Variants in TAF1B observed in about 807,000 individuals in gnomAD.
TAF1B encodes TATA box-binding protein-associated factor RNA polymerase I subunit B.
Under a neutral mutation model 83.9 loss-of-function variants are expected in TAF1B, and 61 were observed. That is an observed-to-expected ratio of 0.73 (90% CI 0.59 to 0.90). The LOEUF (loss-of-function observed/expected upper bound fraction) is 0.90. Ranked by LOEUF, TAF1B falls within the 40% of genes least tolerant of loss-of-function variation. The pLI is 0.00. For missense variants in TAF1B, 625 were observed against 677.0 expected (o/e 0.92, Z 0.85); for synonymous variants, 221 against 224.6 (o/e 0.98, Z 0.14).
At chr2:9,924,914 A>G (rs576309209) in intron 14 of TAF1B, among the ~76,000 whole-genome samples, 10 of 152,274 alleles carry the variant, frequency 6.6e-5, no homozygotes, top group Non-Finnish European at 1.0e-4. Context: ...AACAATTTCA[A>G]TGAATTGAAA....
chr2:9,882,798 G>C lies in TAF1B; in HGVS notation c.800G>C (p.Gly267Ala). ...KLYGRDRGIF[G>A]IESWPDYEDI... is the part of the protein sequence containing the mutation. ...TATGGACGTGACAGAGGAATCTTTG[G>C]TATAGAGGTAAGTTATTTTCTTTTT... Residue 267 changes from glycine to alanine, a missense_variant, in exon 8 of 15, where the codon GGT becomes GCT. Gly to Ala is a moderately conservative substitution (Grantham distance 60). Transcript: ENST00000263663. The C allele has an allele frequency of 6.2e-7, 1 of 1,602,608 alleles. No homozygotes were observed. The highest frequency in any genetic ancestry group is 1.1e-5 in the South Asian group (1 of 88,414).
At chr2:9,846,176 A>G (rs1663202305) in intron 2 of TAF1B, 1 of 464,254 alleles carries the variant, frequency 2.2e-6, no homozygotes, top group Non-Finnish European at 4.4e-6. Context: ...CCCAAGTACC[A>G]GGACTTGAAT....
intron 8 of TAF1B, among the ~76,000 whole-genome samples, chr2:9,896,620 C>CA (rs71391108): frequency 0.044 from 2,918 of 66,424 alleles, 47 homozygotes; most frequent in African/African-American, 0.093. Flanking sequence ...ATCTAAAAAC[C>CA]AAAAAAAAAA....
intron 7 of TAF1B, among the ~76,000 whole-genome samples, chr2:9,881,181 A>G (rs1474963778): frequency 6.6e-6 from 1 of 152,080 alleles, no homozygotes; most frequent in Non-Finnish European, 1.5e-5. Flanking sequence ...TAAAAATACA[A>G]AAATTAGCCA....
intron 14 of TAF1B, among the ~76,000 whole-genome samples, chr2:9,921,361 G>A (rs995464977): frequency 1.3e-5 from 2 of 152,136 alleles, no homozygotes; most frequent in African/African-American, 2.4e-5. Context: ...CAAAGTGCTG[G>A]GATTACAGGT....
chr2:9,862,283 A>C (rs902616729), intron 5 of TAF1B, among the ~76,000 whole-genome samples: 2 of 152,340 alleles, frequency 1.3e-5, no homozygotes, highest in African/African-American at 2.4e-5. Context: ...ACAGCACAAG[A>C]ACTACGTGAG....
intron 4 of TAF1B, among the ~76,000 whole-genome samples, chr2:9,852,374 G>A (rs1425573753): frequency 6.6e-6 from 1 of 152,146 alleles, no homozygotes; most frequent in Non-Finnish European, 1.5e-5. Context: ...GCAACAAGTT[G>A]TTCACTTGCT....
intron 7 of TAF1B, among the ~76,000 whole-genome samples, chr2:9,878,514 G>A (rs1473076550): frequency 6.6e-6 from 1 of 152,134 alleles, no homozygotes; most frequent in Non-Finnish European, 1.5e-5. Flanking sequence ...TTAACACTGT[G>A]CATGTCACTC....
At chr2:9,849,874 G>C (rs1663330141) in intron 3 of TAF1B, among the ~76,000 whole-genome samples, 1 of 152,092 alleles carries the variant, frequency 6.6e-6, no homozygotes, top group South Asian at 2.1e-4. Context: ...TTGTTGAGAA[G>C]GATCTTAGGT....
At chr2:9,929,043 T>A (rs188983917) in intron 14 of TAF1B, among the ~76,000 whole-genome samples, 3 of 152,356 alleles carry the variant, frequency 2.0e-5, no homozygotes, top group Admixed American at 1.3e-4. Context: ...CATCAGTACC[T>A]AGTTTATTGA....
intron 2 of TAF1B, among the ~76,000 whole-genome samples, chr2:9,848,031 T>C (rs1358455881): frequency 6.6e-6 from 1 of 152,236 alleles, no homozygotes; most frequent in African/African-American, 2.4e-5. Flanking sequence ...GGATGTTTCA[T>C]TTTTTCAGGT....
Position 9,882,710 on chromosome 2 carries a change from G to A in TAF1B, c.712G>A (p.Val238Ile). 1 of 1,603,662 alleles carries A rather than the reference G, an allele frequency of 6.2e-7. No individual in the cohort carries two copies. The change falls in exon 8 of 15, where the codon GTT becomes ATT. Residue 238 changes from valine to isoleucine, a missense_variant. Transcript: ENST00000263663. ...AITLSDLLRF[V>I]EEDHIPYINA... ...TTTTTCTTTTTAAAAATACAGGTTTGTTGAAGAGGACCATATTCCTTACAT... is the reference window on the plus strand; with the variant it reads ...TTTTTCTTTTTAAAAATACAGGTTTATTGAAGAGGACCATATTCCTTACAT...
intron 5 of TAF1B, among the ~76,000 whole-genome samples, chr2:9,862,916 G>A (rs1171070864): frequency 6.6e-6 from 1 of 152,078 alleles, no homozygotes; most frequent in Non-Finnish European, 1.5e-5. Context: ...TCACCACCAG[G>A]CCTGCCCTAA....
intron 5 of TAF1B, 107 bp from the exon 6 acceptor site, chr2:9,868,169 A>C: frequency 8.6e-7 from 1 of 1,163,292 alleles, no homozygotes; most frequent in Non-Finnish European, 1.2e-6. Context: ...GCAGTTTTCT[A>C]GAGTGGTTTC....
At chr2:9,862,675 T>C (rs1663814575) in intron 5 of TAF1B, among the ~76,000 whole-genome samples, 1 of 152,066 alleles carries the variant, frequency 6.6e-6, no homozygotes. Context: ...AAGGAAAACA[T>C]GTTAAGGGCA....
chr2:9,904,962 C>G lies in TAF1B; in HGVS notation c.911C>G (p.Pro304Arg). The change falls in exon 9 of 15, where the codon CCC becomes CGC. Residue 304 changes from proline to arginine, a missense_variant. Transcript: ENST00000263663. ...PDITEDCYLH[P>R]NILCMKYLME... ...ATAACTGAAGACTGCTATCTTCATC[C>G]CAACATACTGTGTATGAAATACTTG... is the stretch of plus-strand genomic sequence containing the variant. The G allele has an allele frequency of 6.2e-7, 1 of 1,612,486 alleles. No individual in the cohort carries two copies. Among genetic ancestry groups the G allele is most frequent in the Non-Finnish European group, 8.5e-7 (1 of 1,178,634 alleles).
intron 14 of TAF1B, among the ~76,000 whole-genome samples, chr2:9,930,133 G>A (rs564092488): frequency 1.6e-5 from 2 of 123,314 alleles, no homozygotes; most frequent in South Asian, 2.7e-4. Context: ...ACCAGCTCCC[G>A]GATTCATTGA....
At chr2:9,864,869 G>A in intron 5 of TAF1B, among the ~76,000 whole-genome samples, 1 of 152,092 alleles carries the variant, frequency 6.6e-6, no homozygotes. Context: ...TGCAGAAAAG[G>A]CCTTTGACAA....
chr2:9,863,489 A>T (rs1410938306), intron 5 of TAF1B, among the ~76,000 whole-genome samples: 2 of 152,102 alleles, frequency 1.3e-5, no homozygotes, highest in Admixed American at 1.3e-4. Context: ...CTCCCACACA[A>T]TAATAATGGG....
Sources: gnomAD v4.1 joint callset for allele counts (sites outside exome capture counted in the v4.1 genomes callset) on GRCh38, gnomAD v4.1.1 for gene constraint, MANE v1.5 for transcripts, NCBI Gene and HGNC (gene_info 2026-07-23, HGNC 2026-07-21) for gene names.